TRIM49: variants seen among roughly 807,000 people sequenced by gnomAD.
The protein encoded by TRIM49 is tripartite motif containing 49.
A neutral mutation model predicts 27.4 loss-of-function variants in TRIM49; 5 were observed. The observed-to-expected ratio is 0.18, with a 90% confidence interval of 0.10 to 0.38. The LOEUF (loss-of-function observed/expected upper bound fraction) is 0.38. Among genes scored for constraint, TRIM49 ranks in the 10% least tolerant of loss-of-function variants. The pLI, the probability that TRIM49 is intolerant of heterozygous loss-of-function variation, is 1.00. For missense variants in TRIM49, 188 were observed against 487.5 expected, an observed-to-expected ratio of 0.39 and a Z score of 5.79; for synonymous variants, 69 against 166.0, an observed-to-expected ratio of 0.42 and a Z score of 4.49.
chr11:89,802,715 T>G (rs1431869783), intron 4 of TRIM49, among the ~76,000 whole-genome samples: 1 of 151,144 alleles, frequency 6.6e-6, no homozygotes, highest in East Asian at 1.9e-4. Flanking sequence ...TTTGTTTCAA[T>G]TTGAATTTTT....
the TRIM49 span, chr11:89,787,922 G>A: frequency 2.6e-6 from 1 of 381,844 alleles, no homozygotes; most frequent in Non-Finnish European, 4.8e-6. Context: ...CGGGACCACC[G>A]GGCCGCGTGT....
Position 89,798,554 on chromosome 11 carries a change from C to G in TRIM49, c.935G>C (p.Gly312Ala), listed in dbSNP as rs1949709956. ...ATAGGGTACATCTTGATGGTCACAT[C>G]CAATACACATGCTTCTCAAAATTTC... ...LYEILRSMCI[G>A]CDHQDVPYFT... The change falls in exon 8 of 8, where the codon GGA becomes GCA. Residue 312 changes from glycine to alanine, a missense_variant. Gly to Ala is a moderately conservative substitution (Grantham distance 60). Around this residue, in one of 6 missense-constraint regions of TRIM49, gnomAD observed 94 missense variants for 149.6 expected, o/e 0.63. Coordinates refer to ENST00000329758, the MANE Select transcript of TRIM49 (RefSeq NM_020358.2). The G allele has an allele frequency of 6.4e-7, 1 of 1,562,938 alleles. No homozygotes were observed. The highest frequency in any genetic ancestry group is 8.6e-7 in the Non-Finnish European group (1 of 1,163,018).
At chr11:89,791,641 C>G in the TRIM49 span, among the ~76,000 whole-genome samples, 1 of 151,428 alleles carries the variant, frequency 6.6e-6, no homozygotes, top group African/African-American at 2.4e-5. Flanking sequence ...TCCAGCCAAA[C>G]TAAGCTTCAT....
the TRIM49 span, among the ~76,000 whole-genome samples, chr11:89,790,969 C>T: frequency 9.2e-3 from 1,404 of 151,858 alleles, 31 homozygotes; most frequent in African/African-American, 0.033. Flanking sequence ...GGAGGAAGTT[C>T]GAATCCATTG....
chr11:89,783,702 T>C, the TRIM49 span, among the ~76,000 whole-genome samples: 4 of 146,508 alleles, frequency 2.7e-5, no homozygotes, highest in Non-Finnish European at 4.5e-5. Context: ...GTTTACACTT[T>C]AAATAAGAAT....
At chr11:89,774,503 G>A in the TRIM49 span, among the ~76,000 whole-genome samples, 33 of 145,984 alleles carry the variant, frequency 2.3e-4, 2 homozygotes, top group African/African-American at 8.8e-4. Context: ...ACTTTAAAAG[G>A]ATGCTTGTCC....
At chr11:89,800,200 G>GT (rs1261362164) in intron 6 of TRIM49, among the ~76,000 whole-genome samples, 1 of 151,354 alleles carries the variant, frequency 6.6e-6, no homozygotes, top group African/African-American at 2.5e-5. Context: ...GATAAAGAAT[G>GT]GAAACTTGTT....
At chr11:89,807,700 T>C (rs1203715134) in intron 1 of TRIM49, among the ~76,000 whole-genome samples, 1 of 151,084 alleles carries the variant, frequency 6.6e-6, no homozygotes, top group Non-Finnish European at 1.5e-5. Context: ...GGCTAATTTT[T>C]TTTGTTGAAA....
In TRIM49 at chr11:89,798,583, C is replaced by A. The variant is rs9666265; in HGVS notation, c.906G>T (p.Leu302=). 2 of 1,537,474 alleles carry A rather than the reference C, an allele frequency of 1.3e-6. No individual in the cohort carries two copies. The highest frequency in any genetic ancestry group is 1.8e-5 in the African/African-American group (1 of 54,594). Residue 302 remains leucine (L), a synonymous_variant, in exon 8 of 8, where the codon CTG becomes CTT. Transcript: ENST00000329758. ...HHEEANNDIF[L]YEILRSMCIG... is the part of the protein sequence containing the mutation. ...TACACATGCTTCTCAAAATTTCATACAGAAAGATATCATTGTTGGCTTCTT... is the reference window on the plus strand; with the variant it reads ...TACACATGCTTCTCAAAATTTCATAAAGAAAGATATCATTGTTGGCTTCTT...
chr11:89,772,658 T>G, the TRIM49 span, among the ~76,000 whole-genome samples: 18 of 134,922 alleles, frequency 1.3e-4, no homozygotes, highest in Non-Finnish European at 2.1e-4. Flanking sequence ...GTTGAAATGA[T>G]TAGATGGAAC....
chr11:89,797,042 A>G (rs1336861949), downstream of TRIM49, among the ~76,000 whole-genome samples: 1 of 152,126 alleles, frequency 6.6e-6, no homozygotes, highest in African/African-American at 2.4e-5. Flanking sequence ...GACAACACAC[A>G]ATATTGTGTG....
downstream of TRIM49, among the ~76,000 whole-genome samples, chr11:89,794,507 C>A (rs1290925973): frequency 6.6e-6 from 1 of 151,524 alleles, no homozygotes; most frequent in Admixed American, 6.6e-5. Flanking sequence ...GCTACAGTAA[C>A]CAAAACAGCA....
the TRIM49 span, chr11:89,777,383 C>T: frequency 1.3e-6 from 2 of 1,534,636 alleles, no homozygotes; most frequent in Non-Finnish European, 8.8e-7. Flanking sequence ...CTGAGGAATG[C>T]AGGGTACGTG....
At chr11:89,804,721 A>G (rs533011988) in intron 2 of TRIM49, among the ~76,000 whole-genome samples, 1 of 151,428 alleles carries the variant, frequency 6.6e-6, no homozygotes, top group Non-Finnish European at 1.5e-5. Flanking sequence ...GCATAATACA[A>G]ACCTATTCAA....
the TRIM49 span, chr11:89,789,692 G>A: frequency 6.6e-6 from 1 of 152,098 alleles, no homozygotes; most frequent in Non-Finnish European, 1.5e-5. Flanking sequence ...TCGGGTTGAT[G>A]TGGCATCTGA....
chr11:89,769,395 C>T, the TRIM49 span, among the ~76,000 whole-genome samples: 1 of 136,614 alleles, frequency 7.3e-6, no homozygotes, highest in Non-Finnish European at 1.5e-5. Context: ...TTTATTCTAC[C>T]GTTCATGGAG....
At chr11:89,787,876 G>T in the TRIM49 span, 1 of 423,854 alleles carries the variant, frequency 2.4e-6, no homozygotes, top group East Asian at 4.6e-5. Context: ...TTTGAGGGCA[G>T]GGCAAGGCCG....
chr11:89,782,027 G>A, the TRIM49 span: 22 of 1,524,988 alleles, frequency 1.4e-5, 1 homozygote, highest in East Asian at 4.8e-4. Context: ...GGGAGCACAA[G>A]CATTCACCTC....
chr11:89,800,009 T>C lies in TRIM49; in HGVS notation c.762-196A>G, dbSNP rs1313224784. Reference sequence around the variant, plus strand: ...CATGATGGAAGAATCTAAGCCAGAATCCAATCTGATCCTTCTTTTTTTTTT... The same window carrying C: ...CATGATGGAAGAATCTAAGCCAGAACCCAATCTGATCCTTCTTTTTTTTTT... On this transcript the variant is annotated intron_variant, in intron 6 of 7. Transcript: ENST00000329758. Among the ~76,000 whole-genome samples, 2 of 150,136 alleles carry C rather than the reference T, an allele frequency of 1.3e-5. 1 individual carries two copies. Among genetic ancestry groups the C allele is most frequent in the African/African-American group, 5.0e-5 (2 of 40,020 alleles).
Sources: allele counts gnomAD v4.1 joint callset (sites outside exome capture counted in the v4.1 genomes callset), GRCh38; gene constraint gnomAD v4.1.1; regional missense constraint gnomAD v4.1.1; transcripts MANE v1.5; gene names NCBI Gene and HGNC (gene_info 2026-07-23, HGNC 2026-07-21).